Variants in SHANK1 observed in about 807,000 individuals in gnomAD.
The protein encoded by SHANK1 is SH3 and multiple ankyrin repeat domains 1.
A neutral mutation model predicts 165.6 loss-of-function variants in SHANK1; 35 were observed. That is an observed-to-expected ratio of 0.21 (90% confidence interval 0.16 to 0.28). The LOEUF is 0.28. Ranked by LOEUF, SHANK1 falls within the 10% of genes least tolerant of loss-of-function variation. The probability of loss-of-function intolerance (pLI) is 1.00; values close to 1 mark genes in which losing one functional copy is unlikely to be tolerated. For missense variants in SHANK1, 2,681 were observed against 3,036.4 expected (o/e 0.88, Z 2.75); for synonymous variants, 1,428 against 1,384.8 (o/e 1.03, Z -0.69).
At chr19:50,695,194 AG>A (rs1426787282) in intron 15 of SHANK1, among the ~76,000 whole-genome samples, 1 of 106,248 alleles carries the variant, frequency 9.4e-6, no homozygotes, top group Admixed American at 8.7e-5. Flanking sequence ...GGGGAGGGGG[AG>A]GGGGCGCGCA....
chr19:50,719,705 G>T lies in SHANK1; in HGVS notation c.-343C>A, dbSNP rs1274409910. 2.0e-5 allele frequency among the ~76,000 whole-genome samples: 3 copies of T among 146,776 alleles called. 1 individual carries two copies. Among genetic ancestry groups the T allele is most frequent in the Admixed American group, 1.3e-4 (2 of 14,844 alleles). On this transcript the variant is annotated 5_prime_UTR_variant, in exon 1 of 24. Coordinates refer to ENST00000293441, the MANE Select transcript of SHANK1 (RefSeq NM_016148.5). ...GGCCGGCTCCGGGCGCCGCGTCTCC[G>T]CCTGCTCTTCCTCCTCCTCTTCCTC...
chr19:50,666,105 C>G, intron 23 of SHANK1, 87 bp downstream of exon 23: 1 of 1,322,348 alleles, frequency 7.6e-7, no homozygotes, highest in Non-Finnish European at 1.0e-6. Flanking sequence ...GTTTCTGTTT[C>G]CTTTCTGCCA....
chr19:50,685,810 T>C (rs1317366261), intron 21 of SHANK1, among the ~76,000 whole-genome samples: 1 of 152,190 alleles, frequency 6.6e-6, no homozygotes, highest in Non-Finnish European at 1.5e-5. Flanking sequence ...CAGGTTGGCC[T>C]CTGGTTGTGG....
chr19:50,712,231 C>T lies in SHANK1; in HGVS notation c.793-117G>A, dbSNP rs73598661. ...CTGGGTGACCTACAGTGGCCAATGA[C>T]AGTCTCAGTTCTGCCGTGATGCCCT... On this transcript the variant is annotated intron_variant, in intron 6 of 23. Transcript: ENST00000293441. 9.7e-3 allele frequency: 10,256 copies of T among 1,059,640 alleles called. 748 individuals are homozygous for T. In the African/African-American group the frequency reaches 0.15, roughly 15 times the overall value. 65.6% of individuals were successfully genotyped at this position (1,059,640 alleles called of 1,614,324 possible). A position where few individuals can be genotyped will look rare whatever the true frequency, so the allele number is the denominator to read the frequency against.
intron 8 of SHANK1, among the ~76,000 whole-genome samples, chr19:50,705,488 C>T (rs1040592777): frequency 5.9e-5 from 9 of 152,098 alleles, no homozygotes; most frequent in African/African-American, 1.9e-4. Flanking sequence ...TATTTGAGGG[C>T]ATTTAGGGTA....
chr19:50,704,865 A>G (rs117083993), intron 8 of SHANK1, among the ~76,000 whole-genome samples: 4,107 of 151,950 alleles, frequency 0.027, 75 homozygotes, highest in Admixed American at 0.039. Flanking sequence ...CCTGGGTGAC[A>G]TAGTGAGACG....
chr19:50,695,478 G>A (rs2123155102), intron 15 of SHANK1, among the ~76,000 whole-genome samples: 1 of 150,294 alleles, frequency 6.7e-6, no homozygotes, highest in East Asian at 2.0e-4. Context: ...GCGAGGCTTG[G>A]AGGGGGGAGG....
rs187323088 is a variant in SHANK1 at position 50,707,714 on chromosome 19, T to A, written c.1078-3200A>T. Among the ~76,000 whole-genome samples the A allele has an allele frequency of 2.9e-3, 435 of 151,912 alleles. 6 individuals are homozygous for A. The highest frequency in any genetic ancestry group is 9.8e-3 in the African/African-American group (408 of 41,422). ...GATCCTATGGTTCACCTATCTCCTA[T>A]GAATGGACGACTCTGACTGCCAAAG... On this transcript the variant is annotated intron_variant, in intron 8 of 23. Coordinates refer to ENST00000293441, the MANE Select transcript of SHANK1 (RefSeq NM_016148.5).
chr19:50,673,467 C>G (rs1985871922), intron 21 of SHANK1, among the ~76,000 whole-genome samples: 1 of 152,186 alleles, frequency 6.6e-6, no homozygotes, highest in Non-Finnish European at 1.5e-5. Flanking sequence ...AACAGCTTTC[C>G]CTCTTATTGT....
chr19:50,666,237 C>A lies in SHANK1; in HGVS notation c.5723G>T (p.Gly1908Val). Residue 1908 changes from glycine (G) to valine (V), a missense_variant, in exon 23 of 24, where the codon GGA becomes GTA. Physicochemically the swap from Gly to Val is moderately radical, Grantham distance 109. This residue lies in a region of SHANK1 where 1,713 missense variants were observed against 1,630.2 expected (regional missense o/e 1.05). Coordinates refer to ENST00000293441, the MANE Select transcript of SHANK1 (RefSeq NM_016148.5). ...GGTCCTCTCGGGGACATAGCTGGCT[C>A]CCCCGTGGTGGCTGTCTCCGCCTCC... is the stretch of plus-strand genomic sequence containing the variant. ...SGGGGDSHHGGASYVPERTSS... is the reference protein window; with the variant it reads ...SGGGGDSHHGVASYVPERTSS... 1.2e-6 allele frequency: 2 copies of A among 1,608,964 alleles called. No homozygotes were observed. The highest frequency in any genetic ancestry group is 8.5e-7 in the Non-Finnish European group (1 of 1,178,322).
intron 23 of SHANK1, among the ~76,000 whole-genome samples, chr19:50,664,833 C>T (rs912882533): frequency 1.3e-5 from 2 of 152,196 alleles, no homozygotes; most frequent in Admixed American, 1.3e-4. Context: ...TGGCTCACTG[C>T]AACCTCGGCC....
At chr19:50,666,098 T>C in intron 23 of SHANK1, 94 bp downstream of exon 23, 1 of 1,235,326 alleles carries the variant, frequency 8.1e-7, no homozygotes, top group African/African-American at 1.5e-5. Flanking sequence ...CAACCTGGTT[T>C]CTGTTTCCTT....
chr19:50,702,790 C>T lies in SHANK1; in HGVS notation c.1554-130G>A. ...AGGGGGGGTTTCCCAGCACTGGCGT[C>T]CTCCAAGGAAGAGGGCATTTGGGGG... On this transcript the variant is annotated intron_variant, in intron 11 of 23. Coordinates refer to ENST00000293441, the MANE Select transcript of SHANK1 (RefSeq NM_016148.5). This position sits in a 1 kb window ranked among gnomAD's most constrained non-coding sequence, Gnocchi z 5.3. 1 of 642,342 alleles carries T rather than the reference C, an allele frequency of 1.6e-6. No homozygotes were observed. Among genetic ancestry groups the T allele is most frequent in the East Asian group, 2.8e-5 (1 of 36,090 alleles). 39.8% of individuals were successfully genotyped at this position (642,342 alleles called of 1,614,324 possible).
At chr19:50,671,180 C>CTTTTTT (rs35076465) in intron 22 of SHANK1, among the ~76,000 whole-genome samples, 5 of 76,724 alleles carry the variant, frequency 6.5e-5, no homozygotes, top group Non-Finnish European at 1.1e-4. Flanking sequence ...TTTTTTCACT[C>CTTTTTT]TTTTTTTTTT....
intron 15 of SHANK1, among the ~76,000 whole-genome samples, chr19:50,692,538 T>TTCCTGC (rs1398011221): frequency 6.6e-6 from 1 of 150,420 alleles, no homozygotes; most frequent in Non-Finnish European, 1.5e-5. Context: ...ACCCACCCTG[T>TTCCTGC]TCCTGCTTCT....
At position 50,659,590 on chromosome 19, in the gene SHANK1, G is replaced by A. The variant is rs1040922852; in HGVS notation, c.*2375C>T. Among the ~76,000 whole-genome samples, 6 of 124,336 alleles carry A rather than the reference G, an allele frequency of 4.8e-5. No individual in the cohort carries two copies. The highest frequency in any genetic ancestry group is 7.9e-5 in the Non-Finnish European group (5 of 62,906). The allele number at this position is 124,336 out of a possible 152,430, so 81.6% of individuals were successfully genotyped here. ...CACCCCCCCTTGGAAGACAATTCTC[G>A]GGCTTTTATTTCAGGTTTTTTTTCT... On this transcript the variant is annotated 3_prime_UTR_variant, in exon 24 of 24. Coordinates refer to ENST00000293441, the MANE Select transcript of SHANK1 (RefSeq NM_016148.5).
intron 19 of SHANK1, 98 bp downstream of exon 19, chr19:50,687,484 C>A (rs1257253917): frequency 1.1e-6 from 1 of 920,140 alleles, no homozygotes; most frequent in Non-Finnish European, 1.6e-6. Flanking sequence ...AGGACAAGGA[C>A]CCCTGGTCAC....
intron 23 of SHANK1, among the ~76,000 whole-genome samples, chr19:50,665,973 TGCACTCCA>T (rs1173655713): frequency 6.7e-6 from 1 of 148,662 alleles, no homozygotes; most frequent in Non-Finnish European, 1.5e-5. Context: ...ATCACGCCAT[TGCACTCCA>T]GCCTGGGCAA....
Position 50,697,081 on chromosome 19 carries a change from C to T in SHANK1, c.1964+15G>A. 1 of 1,610,116 alleles carries T rather than the reference C, an allele frequency of 6.2e-7. No homozygotes were observed. Among genetic ancestry groups the T allele is most frequent in the Non-Finnish European group, 8.5e-7 (1 of 1,177,184 alleles). The stretch of plus-strand genomic sequence containing the variant: ...CCCTCCTGACCCCATCCCCTCCCTG[C>T]CCCTCGCCTCTCACCTCCCTGGGCC... On this transcript the variant is annotated intron_variant, in intron 15 of 23. Coordinates refer to ENST00000293441, the MANE Select transcript of SHANK1 (RefSeq NM_016148.5). The surrounding 1 kb of genome is among the most constrained non-coding windows in gnomAD (Gnocchi z 4.7).
Sources: allele counts gnomAD v4.1 joint callset (sites outside exome capture counted in the v4.1 genomes callset), GRCh38; gene constraint gnomAD v4.1.1; regional missense constraint gnomAD v4.1.1; non-coding constraint Gnocchi (gnomAD v3.1); transcripts MANE v1.5; gene names NCBI Gene and HGNC (gene_info 2026-07-23, HGNC 2026-07-21).